The following FARS2 variants were observed in gnomAD, a reference collection of about 807,000 sequenced individuals.
The protein encoded by FARS2 is phenylalanyl-tRNA synthetase 2, mitochondrial.
Under a neutral mutation model 46.4 loss-of-function variants are expected in FARS2, and 40 were observed. The observed-to-expected ratio is 0.86, with a 90% confidence interval of 0.67 to 1.12. The LOEUF is 1.12. Ranked by LOEUF, FARS2 falls within the 50% of genes most tolerant of loss-of-function variation. The pLI is 0.00. For missense variants in FARS2, 513 were observed against 567.9 expected (o/e 0.90, Z 0.98); for synonymous variants, 234 against 214.9 (o/e 1.09, Z -0.78).
At chr6:5,586,273 G>A (rs1773608431) in intron 5 of FARS2, among the ~76,000 whole-genome samples, 1 of 152,140 alleles carries the variant, frequency 6.6e-6, no homozygotes, top group Non-Finnish European at 1.5e-5. Context: ...GGCAAGAGTA[G>A]GCATCTGTAT....
intron 6 of FARS2, among the ~76,000 whole-genome samples, chr6:5,711,792 GGGA>G (rs1464877040): frequency 1.4e-4 from 21 of 152,208 alleles, no homozygotes; most frequent in Non-Finnish European, 3.1e-4. Context: ...AATGCAGTGT[GGGA>G]TCCTGGACAG....
intron 4 of FARS2, among the ~76,000 whole-genome samples, chr6:5,527,630 G>A (rs1769552740): frequency 6.6e-6 from 1 of 152,180 alleles, no homozygotes; most frequent in Non-Finnish European, 1.5e-5. Context: ...TTTGAATAAT[G>A]ATCATTTTAA....
chr6:5,705,552 C>T (rs985784229), intron 6 of FARS2, among the ~76,000 whole-genome samples: 1 of 152,146 alleles, frequency 6.6e-6, no homozygotes. Context: ...CCAGCCCCCT[C>T]GATGGCAGCC....
intron 5 of FARS2, among the ~76,000 whole-genome samples, chr6:5,575,667 A>T (rs1379336749): frequency 6.6e-6 from 1 of 152,176 alleles, no homozygotes; most frequent in African/African-American, 2.4e-5. Flanking sequence ...ACAATTTTAT[A>T]CATGTATTTT....
intron 5 of FARS2, chr6:5,610,313 A>T (rs868825487): frequency 2.9e-3 from 1,011 of 348,544 alleles, no homozygotes; most frequent in Middle Eastern, 4.7e-3. Context: ...ATTCTTTTTA[A>T]AAAAAAAAAA....
intron 2 of FARS2, among the ~76,000 whole-genome samples, 187 bp from the exon 3 acceptor site, chr6:5,404,355 G>A (rs1454782069): frequency 4.6e-5 from 7 of 152,142 alleles, no homozygotes; most frequent in South Asian, 2.1e-4. Context: ...ACCATGTAGC[G>A]TAGTGTTTTC....
intron 1 of FARS2, among the ~76,000 whole-genome samples, chr6:5,364,867 A>G (rs1758546794): frequency 6.6e-6 from 1 of 152,178 alleles, no homozygotes; most frequent in African/African-American, 2.4e-5. Context: ...CCTCATCTCT[A>G]CAAAAAATAC....
intron 5 of FARS2, among the ~76,000 whole-genome samples, chr6:5,559,478 T>G (rs1454647052): frequency 6.6e-6 from 1 of 152,196 alleles, no homozygotes; most frequent in African/African-American, 2.4e-5. Flanking sequence ...GATTTCATTC[T>G]GCTTCCCAGT....
At chr6:5,501,160 C>A (rs1767778206) in intron 4 of FARS2, among the ~76,000 whole-genome samples, 1 of 152,002 alleles carries the variant, frequency 6.6e-6, no homozygotes, top group African/African-American at 2.4e-5. Context: ...CACTCGCCAT[C>A]TAGTATCTAA....
At chr6:5,618,992 A>C (rs1331424016) in intron 6 of FARS2, among the ~76,000 whole-genome samples, 1 of 152,220 alleles carries the variant, frequency 6.6e-6, no homozygotes, top group African/African-American at 2.4e-5. Context: ...CTCCAAGTTC[A>C]TGCACCTTAA....
intron 6 of FARS2, among the ~76,000 whole-genome samples, chr6:5,768,244 C>G (rs1033916998): frequency 8.5e-5 from 13 of 152,182 alleles, no homozygotes; most frequent in African/African-American, 2.4e-4. Context: ...AATCACCAAA[C>G]AAACATTCTG....
intron 1 of FARS2, among the ~76,000 whole-genome samples, chr6:5,326,161 A>G (rs976578453): frequency 6.6e-6 from 1 of 152,238 alleles, no homozygotes; most frequent in African/African-American, 2.4e-5. Context: ...CTGGCCCAAT[A>G]TGGCTGAATG....
chr6:5,704,802 C>T (rs760192432), intron 6 of FARS2, among the ~76,000 whole-genome samples: 8 of 152,194 alleles, frequency 5.3e-5, no homozygotes, highest in African/African-American at 1.2e-4. Context: ...TCTGAAGATT[C>T]GAACTTATTT....
At chr6:5,453,282 A>G (rs935001722) in intron 4 of FARS2, among the ~76,000 whole-genome samples, 4 of 152,220 alleles carry the variant, frequency 2.6e-5, no homozygotes, top group African/African-American at 9.6e-5. Flanking sequence ...TAACAAAGCT[A>G]GGGTAAGTTT....
intron 1 of FARS2, among the ~76,000 whole-genome samples, chr6:5,265,085 C>T (rs1022923596): frequency 1.3e-5 from 2 of 151,178 alleles, no homozygotes; most frequent in African/African-American, 4.9e-5. Context: ...AGCTGTGAGT[C>T]GTGGCACTTG....
chr6:5,269,819 A>G (rs1023947551), intron 1 of FARS2, among the ~76,000 whole-genome samples: 1 of 152,246 alleles, frequency 6.6e-6, no homozygotes, highest in Non-Finnish European at 1.5e-5. Flanking sequence ...GTAGACTGTT[A>G]TTAACAATAG....
At chr6:5,294,075 G>A (rs1581710730) in intron 1 of FARS2, among the ~76,000 whole-genome samples, 1 of 152,276 alleles carries the variant, frequency 6.6e-6, no homozygotes, top group East Asian at 1.9e-4. Flanking sequence ...CTAGCCTGAT[G>A]TTCTGTATAG....
intron 4 of FARS2, among the ~76,000 whole-genome samples, chr6:5,535,015 CCTT>C (rs758386018): frequency 1.3e-5 from 2 of 152,204 alleles, no homozygotes; most frequent in African/African-American, 2.4e-5. Context: ...TTCTCCACAT[CCTT>C]CTCAACACTT....
chr6:5,440,707 GA>G (rs1763792925), intron 4 of FARS2, among the ~76,000 whole-genome samples: 1 of 152,130 alleles, frequency 6.6e-6, no homozygotes, highest in African/African-American at 2.4e-5. Context: ...TTTAGAAGTG[GA>G]GGGGGGGTGT....
Sources: allele counts gnomAD v4.1 joint callset (sites outside exome capture counted in the v4.1 genomes callset), GRCh38; gene constraint gnomAD v4.1.1; transcripts MANE v1.5; gene names NCBI Gene and HGNC (gene_info 2026-07-23, HGNC 2026-07-21).